The following ALPG variants were observed in gnomAD, a reference collection of about 807,000 sequenced individuals.
ALPG encodes alkaline phosphatase, germ cell type.
ALPG carries 32 observed loss-of-function variants against 48.6 expected under a neutral mutation model. The observed-to-expected ratio is 0.66, with a 90% CI of 0.50 to 0.88. The LOEUF (loss-of-function observed/expected upper bound fraction) is 0.88. Among genes scored for constraint, ALPG ranks in the 40% least tolerant of loss-of-function variants. ALPG has a pLI of 0.00. For missense variants in ALPG, 533 were observed against 718.1 expected (o/e 0.74, Z 2.95); for synonymous variants, 244 against 308.9 (o/e 0.79, Z 2.20).
rs777630892 is a variant in ALPG at position 232,407,641 on chromosome 2, G to T, written c.348G>T (p.Thr116=). 1.9e-6 allele frequency: 3 copies of T among 1,613,924 alleles called. No homozygotes were observed. The highest frequency in any genetic ancestry group is 1.1e-5 in the South Asian group (1 of 90,958). The change falls in exon 4 of 11, where the codon ACG becomes ACT. Residue 116 remains threonine, a synonymous_variant. Transcript: ENST00000295453. The stretch of plus-strand genomic sequence containing the variant: ...TGCCAGACAGTGGAGCCACAGCCAC[G>T]GCCTACCTGTGCGGGGTCAAGGGCA... ...KHVPDSGATA[T]AYLCGVKGNF...
At position 232,409,972 on chromosome 2, in the gene ALPG, G is replaced by C; in HGVS notation, c.*100G>C. On this transcript the variant is annotated 3_prime_UTR_variant, in exon 11 of 11. Coordinates refer to ENST00000295453, the MANE Select transcript of ALPG (RefSeq NM_031313.3). ...CCTCCACCTGGAGCTGTCACCCCCG[G>C]AGTCGCCACACAGACGTCCTGCCAT... The C allele has an allele frequency of 1.4e-6, 2 of 1,443,878 alleles. No individual in the cohort carries two copies. Among genetic ancestry groups the C allele is most frequent in the Non-Finnish European group, 9.1e-7 (1 of 1,101,234 alleles). The allele number at this position is 1,443,878 out of a possible 1,614,324, so 89.4% of individuals were successfully genotyped here.
In ALPG at chr2:232,409,581, C is replaced by T. The variant is rs553121823; in HGVS notation, c.1308C>T (p.Pro436=). 6.2e-6 allele frequency: 10 copies of T among 1,612,662 alleles called. No individual in the cohort carries two copies. The Admixed American group carries it at 1.3e-4, about 22-fold the overall frequency. ...PDVTESESGS[P]EYRQQSAVPL... is the part of the protein sequence containing the mutation. ...ACTGAACCCTCCAACCAGGGAGCCC[C>T]GAGTATCGGCAGCAGTCAGCAGTGC... Residue 436 remains proline (P), a synonymous_variant, in exon 11 of 11, where the codon CCC becomes CCT. Transcript: ENST00000295453.
chr2:232,407,650 G>C lies in ALPG; in HGVS notation c.357G>C (p.Leu119=), dbSNP rs1472198984. Residue 119 remains leucine (L), a synonymous_variant, in exon 4 of 11, where the codon CTG becomes CTC. Transcript: ENST00000295453. ...GTGGAGCCACAGCCACGGCCTACCT[G>C]TGCGGGGTCAAGGGCAACTTCCAGA... is the stretch of plus-strand genomic sequence containing the variant. ...PDSGATATAY[L]CGVKGNFQTI... 1.2e-6 allele frequency: 2 copies of C among 1,613,948 alleles called. No individual in the cohort carries two copies. The highest frequency in any genetic ancestry group is 1.1e-5 in the South Asian group (1 of 90,964).
In ALPG at chr2:232,409,682, G is replaced by A; in HGVS notation, c.1409G>A (p.Gly470Asp). 6.2e-7 allele frequency: 1 copy of A among 1,611,488 alleles called. No homozygotes were observed. The highest frequency in any genetic ancestry group is 8.5e-7 in the Non-Finnish European group (1 of 1,179,194). Residue 470 changes from glycine (G) to aspartate (D), a missense_variant, in exon 11 of 11, where the codon GGC becomes GAC. By Grantham distance (94) the Gly-to-Asp change is moderately conservative (BLOSUM62 -1). This residue lies in a region of ALPG where 145 missense variants were observed against 174.3 expected (regional missense o/e 0.83). Transcript: ENST00000295453. ...ARGPQAHLVH[G>D]VQEQTFIAHV... ...GGCCCGCAGGCGCACCTGGTTCACG[G>A]CGTGCAGGAGCAGACCTTCATAGCG...
intron 9 of ALPG, 24 bp from the exon 10 acceptor site, chr2:232,409,308 C>T (rs1294415509): frequency 7.5e-7 from 1 of 1,337,394 alleles, no homozygotes; most frequent in Non-Finnish European, 1.1e-6. Context: ...TTCAGCTCAA[C>T]CACAGGGACC....
chr2:232,410,031 G>T lies in ALPG; in HGVS notation c.*159G>T. The T allele has an allele frequency of 6.7e-6, 8 of 1,187,578 alleles. No individual in the cohort carries two copies. The highest frequency in any genetic ancestry group is 8.0e-6 in the Non-Finnish European group (7 of 875,000). The allele number at this position is 1,187,578 out of a possible 1,614,324, so 73.6% of individuals were successfully genotyped here. A position where few individuals can be genotyped will look rare whatever the true frequency, so the allele number is the denominator to read the frequency against. ...CCCCTCCCGGTGCACCCTGGGGACC[G>T]AGCCCTTGACACCACGCCCTTTGCT... On this transcript the variant is annotated 3_prime_UTR_variant, in exon 11 of 11. Coordinates refer to ENST00000295453, the MANE Select transcript of ALPG (RefSeq NM_031313.3).
In ALPG at chr2:232,409,636, G is replaced by A; in HGVS notation, c.1363G>A (p.Asp455Asn). ...PLDGETHAGE[D>N]VAVFARGPQA... ...GGACGGAGAGACCCACGCAGGCGAG[G>A]ACGTGGCGGTGTTCGCGCGCGGCCC... Residue 455 changes from aspartate to asparagine, a missense_variant, in exon 11 of 11, where the codon GAC becomes AAC. Transcript: ENST00000295453. 1 of 1,612,498 alleles carries A rather than the reference G, an allele frequency of 6.2e-7. No individual in the cohort carries two copies. The highest frequency in any genetic ancestry group is 8.5e-7 in the Non-Finnish European group (1 of 1,179,658).
In ALPG at chr2:232,407,924, C is replaced by T. The variant is rs1156691537; in HGVS notation, c.555C>T (p.Arg185=). 3.1e-6 allele frequency: 5 copies of T among 1,613,482 alleles called. 1 individual carries two copies. The highest frequency in any genetic ancestry group is 2.2e-5 in the South Asian group (2 of 90,982). ...GCGCCTACGCCCACACGGTGAACCG[C>T]AACTGGTACTCGGATGCCGACGTGC... ...PAGAYAHTVN[R]NWYSDADVPA... is the part of the protein sequence containing the mutation. Residue 185 remains arginine, a synonymous_variant, in exon 5 of 11, where the codon CGC becomes CGT. Transcript: ENST00000295453.
chr2:232,407,441 G>A (rs1338003499), intron 3 of ALPG, 40 bp downstream of exon 3: 1 of 1,606,366 alleles, frequency 6.2e-7, no homozygotes, highest in Admixed American at 1.7e-5. Flanking sequence ...AAGCAGAGAA[G>A]GGGAATCCTG....
Position 232,407,664 on chromosome 2 carries a change from G to T in ALPG, c.371G>T (p.Gly124Val), listed in dbSNP as rs1327070318. The change falls in exon 4 of 11, where the codon GGC becomes GTC. Residue 124 changes from glycine to valine, a missense_variant. Around this residue, in one of 6 missense-constraint regions of ALPG, gnomAD observed 315 missense variants for 305.8 expected, o/e 1.03. Coordinates refer to ENST00000295453, the MANE Select transcript of ALPG (RefSeq NM_031313.3). ...ACGGCCTACCTGTGCGGGGTCAAGG[G>T]CAACTTCCAGACCATTGGCTTGAGT... ...TATAYLCGVK[G>V]NFQTIGLSAA... 3 of 1,613,788 alleles carry T rather than the reference G, an allele frequency of 1.9e-6. No homozygotes were observed. The highest frequency in any genetic ancestry group is 2.5e-6 in the Non-Finnish European group (3 of 1,180,016).
Position 232,409,719 on chromosome 2 carries a change from C to T in ALPG, c.1446C>T (p.Ala482=), listed in dbSNP as rs1452786140. ...AGACCTTCATAGCGCACGTCATGGCCTTCGCCGCCTGCCTGGAGCCCTACA... is the reference window on the plus strand; with the variant it reads ...AGACCTTCATAGCGCACGTCATGGCTTTCGCCGCCTGCCTGGAGCCCTACA... The part of the protein sequence containing the change: ...QEQTFIAHVM[A]FAACLEPYTA... Residue 482 remains alanine (A), a synonymous_variant, in exon 11 of 11, where the codon GCC becomes GCT. Transcript: ENST00000295453. The T allele has an allele frequency of 1.2e-6, 2 of 1,610,550 alleles. No homozygotes were observed. Among genetic ancestry groups the T allele is most frequent in the Admixed American group, 3.3e-5 (2 of 59,810 alleles).
In ALPG at chr2:232,407,694, C is replaced by T. The variant is rs761014295; in HGVS notation, c.401C>T (p.Ala134Val). 18 of 1,613,796 alleles carry T rather than the reference C, an allele frequency of 1.1e-5. No individual in the cohort carries two copies. In the Middle Eastern group the frequency reaches 9.9e-4, roughly 89 times the overall value. ...TTCCAGACCATTGGCTTGAGTGCAG[C>T]CGCCCGCTTTAACCAGTGCAACACG... The part of the protein sequence containing the change: ...GNFQTIGLSA[A>V]ARFNQCNTTR... Residue 134 changes from alanine to valine, a missense_variant, in exon 4 of 11, where the codon GCC (alanine) becomes GTC (valine). Ala to Val is a moderately conservative substitution (Grantham distance 64). This residue lies in a region of ALPG where 315 missense variants were observed against 305.8 expected (regional missense o/e 1.03). Transcript: ENST00000295453.
chr2:232,408,664 C>T, intron 7 of ALPG, 40 bp from the exon 8 acceptor site: 1 of 1,482,708 alleles, frequency 6.7e-7, no homozygotes, highest in Admixed American at 1.8e-5. Context: ...ACCCTCCCAC[C>T]CCCAGCCTGC....
chr2:232,408,215 A>C, intron 5 of ALPG, 52 bp from the exon 6 acceptor site: 1 of 1,600,538 alleles, frequency 6.2e-7, no homozygotes, highest in Non-Finnish European at 8.5e-7. Context: ...TGAGGAGGGG[A>C]CACGGGGCCA....
chr2:232,407,941 C>T lies in ALPG; in HGVS notation c.572C>T (p.Ala191Val). 6.2e-7 allele frequency: 1 copy of T among 1,613,384 alleles called. No individual in the cohort carries two copies. The highest frequency in any genetic ancestry group is 8.5e-7 in the Non-Finnish European group (1 of 1,179,992). ...GTGAACCGCAACTGGTACTCGGATG[C>T]CGACGTGCCTGCCTCGGCCCGCCAG... ...HTVNRNWYSD[A>V]DVPASARQEG... is the part of the protein sequence containing the mutation. Residue 191 changes from alanine to valine, a missense_variant, in exon 5 of 11, where the codon GCC (alanine) becomes GTC (valine). By Grantham distance (64) the Ala-to-Val change is moderately conservative. This residue lies in a region of ALPG where 315 missense variants were observed against 305.8 expected (regional missense o/e 1.03). Coordinates refer to ENST00000295453, the MANE Select transcript of ALPG (RefSeq NM_031313.3).
chr2:232,407,852 A>G lies in ALPG; in HGVS notation c.483A>G (p.Ser161=). The G allele has an allele frequency of 6.2e-7, 1 of 1,613,556 alleles. No individual in the cohort carries two copies. The highest frequency in any genetic ancestry group is 8.5e-7 in the Non-Finnish European group (1 of 1,180,010). The change falls in exon 5 of 11, where the codon TCA becomes TCG. Residue 161 remains serine (S), a synonymous_variant. Transcript: ENST00000295453. The stretch of plus-strand genomic sequence containing the variant: ...GACCTCTATCACCCTCAGGAAAGTC[A>G]GTGGGAGTGGTAACCACCACACGGG... ...VMNRAKKAGK[S]VGVVTTTRVQ... is the part of the protein sequence containing the mutation.
chr2:232,407,143 G>C lies in ALPG; in HGVS notation c.154G>C (p.Ala52Pro). 6.2e-7 allele frequency: 1 copy of C among 1,613,940 alleles called. No individual in the cohort carries two copies. The highest frequency in any genetic ancestry group is 2.2e-5 in the East Asian group (1 of 44,884). The change falls in exon 2 of 11, where the codon GCC becomes CCC. Residue 52 changes from alanine (A) to proline (P), a missense_variant. Ala to Pro is a conservative substitution (Grantham distance 27). Around this residue, in one of 6 missense-constraint regions of ALPG, gnomAD observed 315 missense variants for 305.8 expected, o/e 1.03. Coordinates refer to ENST00000295453, the MANE Select transcript of ALPG (RefSeq NM_031313.3). ...GAAGCTGCAGCCTGCACAGACAGCCGCCAAGAACCTCATCATCTTCCTGGG... is the reference window on the plus strand; with the variant it reads ...GAAGCTGCAGCCTGCACAGACAGCCCCCAAGAACCTCATCATCTTCCTGGG... Reference protein sequence around the residue: ...AKKLQPAQTAAKNLIIFLGDG... With the variant: ...AKKLQPAQTAPKNLIIFLGDG...
At chr2:232,409,257 C>T (rs1254265460) in intron 9 of ALPG, 75 bp from the exon 10 acceptor site, 9 of 1,581,194 alleles carry the variant, frequency 5.7e-6, no homozygotes, top group East Asian at 2.3e-5. Flanking sequence ...CCAGGCAAAA[C>T]GTGGCGGTGC....
Position 232,407,918 on chromosome 2 carries a change from G to A in ALPG, c.549G>A (p.Val183=), listed in dbSNP as rs535365122. ...ASPAGAYAHT[V]NRNWYSDADV... ...CAGCCGGCGCCTACGCCCACACGGT[G>A]AACCGCAACTGGTACTCGGATGCCG... is the stretch of plus-strand genomic sequence containing the variant. The change falls in exon 5 of 11, where the codon GTG becomes GTA. Residue 183 remains valine, a synonymous_variant. Coordinates refer to ENST00000295453, the MANE Select transcript of ALPG (RefSeq NM_031313.3). 2.5e-6 allele frequency: 4 copies of A among 1,613,470 alleles called. No individual in the cohort carries two copies. Among genetic ancestry groups the A allele is most frequent in the Admixed American group, 3.3e-5 (2 of 60,028 alleles).
Sources: allele counts gnomAD v4.1 joint callset, GRCh38; gene constraint gnomAD v4.1.1; regional missense constraint gnomAD v4.1.1; transcripts MANE v1.5; gene names NCBI Gene and HGNC (gene_info 2026-07-23, HGNC 2026-07-21).